The following KALRN variants were observed in gnomAD, a reference collection of about 807,000 sequenced individuals.
The protein encoded by KALRN is kalirin RhoGEF kinase.
KALRN carries 70 observed loss-of-function variants against 353.7 expected under a neutral mutation model. The observed-to-expected ratio is 0.20, with a 90% CI of 0.16 to 0.24. The LOEUF is 0.24. Ranked by LOEUF, KALRN falls within the 10% of genes least tolerant of loss-of-function variation. The probability of loss-of-function intolerance (pLI) is 1.00; values close to 1 mark genes in which losing one functional copy is unlikely to be tolerated. For synonymous variants in KALRN, 1,391 were observed against 1,434.8 expected (o/e 0.97, Z 0.69); for missense variants, 2,791 against 3,756.7 (o/e 0.74, Z 6.72).
At chr3:124,332,478 C>A (rs778395699) in intron 8 of KALRN, among the ~76,000 whole-genome samples, 1 of 152,078 alleles carries the variant, frequency 6.6e-6, no homozygotes, top group Non-Finnish European at 1.5e-5. Context: ...AGTTGGTAAC[C>A]AAATTTGGGG....
intron 1 of KALRN, among the ~76,000 whole-genome samples, chr3:124,165,901 CT>C (rs2070767099): frequency 6.6e-6 from 1 of 152,138 alleles, no homozygotes; most frequent in South Asian, 2.1e-4. Context: ...ACCTCTCTTC[CT>C]ACCACTTCCT....
chr3:124,109,686 T>C (rs60308883), intron 1 of KALRN, among the ~76,000 whole-genome samples: 5,787 of 147,264 alleles, frequency 0.039, 287 homozygotes, highest in African/African-American at 0.13. Context: ...ATACATATCA[T>C]ATATATATCA....
chr3:124,654,062 T>C (rs2083710795), intron 38 of KALRN, among the ~76,000 whole-genome samples: 4 of 152,228 alleles, frequency 2.6e-5, no homozygotes, highest in Non-Finnish European at 2.9e-5. Context: ...AAATATCGCC[T>C]GGAGACAGAG....
At chr3:124,276,082 G>C (rs2074692373) in intron 5 of KALRN, among the ~76,000 whole-genome samples, 1 of 152,192 alleles carries the variant, frequency 6.6e-6, no homozygotes. Context: ...GTATAGCTAA[G>C]AGCATATTTG....
At chr3:124,428,153 T>C (rs2093110650) in intron 15 of KALRN, among the ~76,000 whole-genome samples, 1 of 152,152 alleles carries the variant, frequency 6.6e-6, no homozygotes, top group Non-Finnish European at 1.5e-5. Flanking sequence ...AGATTAAAAA[T>C]ACCAGTAATA....
intron 51 of KALRN, among the ~76,000 whole-genome samples, chr3:124,693,302 T>A (rs1326134484): frequency 6.6e-6 from 1 of 152,128 alleles, no homozygotes; most frequent in East Asian, 1.9e-4. Context: ...TGCGTGGGGA[T>A]GAGTAAAGGG....
At position 124,664,049 on chromosome 3, in the gene KALRN, G is replaced by A. The variant is rs916225874; in HGVS notation, c.6345+2121G>A. 2.0e-5 allele frequency among the ~76,000 whole-genome samples: 3 copies of A among 152,154 alleles called. No individual in the cohort carries two copies. In the East Asian group the frequency reaches 5.8e-4, roughly 29 times the overall value. Reference sequence around the variant, plus strand: ...AAGCAGGCTGGAGACATTAGTGTAAGCAGGGTTACTCGGCAGACACACACT... The same window carrying A: ...AAGCAGGCTGGAGACATTAGTGTAAACAGGGTTACTCGGCAGACACACACT... On this transcript the variant is annotated intron_variant, in intron 45 of 59. Transcript: ENST00000682506.
rs2075007635 is a variant in KALRN, at chr3:124,278,478, T to TGTGTGTGTGA, written c.969+9232_969+9233insAGTGTGTGTG. 2.0e-5 allele frequency among the ~76,000 whole-genome samples: 3 copies of TGTGTGTGTGA among 150,698 alleles called. No individual in the cohort carries two copies. In the South Asian group the frequency reaches 6.4e-4, roughly 32 times the overall value. ...CTTCAGGTGTGTGTGTGTGTGTGTG[T>TGTGTGTGTGA]GTGTGTGTGTGGTGCAGGGCAGTAA... On this transcript the variant is annotated intron_variant, in intron 5 of 59. Coordinates refer to ENST00000682506, the MANE Select transcript of KALRN (RefSeq NM_001388419.1).
chr3:124,657,376 T>G, intron 39 of KALRN, 72 bp from the exon 40 acceptor site: 1 of 984,598 alleles, frequency 1.0e-6, no homozygotes, highest in Non-Finnish European at 1.6e-6. Flanking sequence ...GCAGGGGTGC[T>G]GTGGTGTGTG....
At chr3:124,411,377 C>G (rs549437679) in intron 13 of KALRN, among the ~76,000 whole-genome samples, 1 of 134,622 alleles carries the variant, frequency 7.4e-6, no homozygotes, top group Non-Finnish European at 1.5e-5. Flanking sequence ...CATACAGTAA[C>G]GAAAAAGGCC....
At chr3:124,602,025 C>CAAA (rs3058058) in intron 34 of KALRN, among the ~76,000 whole-genome samples, 3 of 133,194 alleles carry the variant, frequency 2.3e-5, no homozygotes, top group African/African-American at 8.1e-5. Context: ...GACTCTGTCT[C>CAAA]AAAAAAAAAA....
chr3:124,151,789 C>T (rs1158836267), intron 1 of KALRN, among the ~76,000 whole-genome samples: 2 of 151,948 alleles, frequency 1.3e-5, no homozygotes, highest in African/African-American at 4.8e-5. Flanking sequence ...GTAAATATTT[C>T]CTACTGAAAG....
At chr3:124,293,583 GA>G (rs933680621) in intron 5 of KALRN, among the ~76,000 whole-genome samples, 53 of 147,932 alleles carry the variant, frequency 3.6e-4, no homozygotes, top group African/African-American at 1.2e-3. Context: ...TTAGCCAGCA[GA>G]AAAAAAAATT....
At chr3:124,330,114 C>CT (rs1304287184) in intron 8 of KALRN, 122 bp downstream of exon 8, 3,489 of 1,055,450 alleles carry the variant, frequency 3.3e-3, no homozygotes, top group South Asian at 5.9e-3. Context: ...GGCTGTTTTT[C>CT]TTTTTTTTTG....
chr3:124,301,377 T>C (rs1487081435), intron 6 of KALRN, among the ~76,000 whole-genome samples: 3 of 152,200 alleles, frequency 2.0e-5, no homozygotes, highest in Non-Finnish European at 4.4e-5. Flanking sequence ...AGAAGAGATT[T>C]AGTATGCAAC....
intron 23 of KALRN, among the ~76,000 whole-genome samples, chr3:124,459,934 A>C (rs970707844): frequency 3.3e-5 from 5 of 152,122 alleles, no homozygotes; most frequent in Admixed American, 3.3e-4. Context: ...TTGTTTAAAG[A>C]GCAGAAATGT....
chr3:124,038,153 A>C (rs2081073858), intron 1 of KALRN, among the ~76,000 whole-genome samples: 1 of 152,178 alleles, frequency 6.6e-6, no homozygotes, highest in African/African-American at 2.4e-5. Flanking sequence ...AAGTGGCAGC[A>C]GAGGAGACTT....
chr3:124,246,280 A>G (rs1420249928), intron 3 of KALRN, among the ~76,000 whole-genome samples: 1 of 152,242 alleles, frequency 6.6e-6, no homozygotes, highest in African/African-American at 2.4e-5. Context: ...ACTTAGGGCC[A>G]TATATTGTGT....
intron 3 of KALRN, among the ~76,000 whole-genome samples, chr3:124,253,092 G>A (rs2071410416): frequency 1.3e-5 from 2 of 152,130 alleles, no homozygotes; most frequent in Admixed American, 1.3e-4. Context: ...TCAGAAAGTG[G>A]GTGTGGCTTG....
Sources: gnomAD v4.1 joint callset for allele counts (sites outside exome capture counted in the v4.1 genomes callset) on GRCh38, gnomAD v4.1.1 for gene constraint, MANE v1.5 for transcripts, NCBI Gene and HGNC (gene_info 2026-07-23, HGNC 2026-07-21) for gene names.